Variants in SLC6A18 observed in about 807,000 individuals in gnomAD.
SLC6A18 encodes the protein inactive sodium-dependent neutral amino acid transporter B(0)AT3.
Under a neutral mutation model 62.9 loss-of-function variants are expected in SLC6A18, and 58 were observed. That is an observed-to-expected ratio of 0.92 (90% CI 0.75 to 1.15). The LOEUF is 1.15. Among genes scored for constraint, SLC6A18 ranks in the 50% most tolerant of loss-of-function variants. SLC6A18 has a pLI of 0.00. For missense variants in SLC6A18, 793 were observed against 836.6 expected, an observed-to-expected ratio of 0.95 and a Z score of 0.64; for synonymous variants, 382 against 365.8, an observed-to-expected ratio of 1.04 and a Z score of -0.51.
At chr5:1,240,225 T>C (rs894768019) in intron 6 of SLC6A18, among the ~76,000 whole-genome samples, 1 of 152,256 alleles carries the variant, frequency 6.6e-6, no homozygotes, top group African/African-American at 2.4e-5. Flanking sequence ...TTCCAAAACA[T>C]GTACATTTCA....
chr5:1,239,625 G>C, intron 6 of SLC6A18, 63 bp downstream of exon 6: 1 of 1,241,734 alleles, frequency 8.1e-7, no homozygotes, highest in Non-Finnish European at 1.2e-6. Flanking sequence ...AGCACTTCCT[G>C]ATCTCAGGAT....
Position 1,241,009 on chromosome 5 carries a change from C to T in SLC6A18, c.974+350C>T, listed in dbSNP as rs1747045540. On this transcript the variant is annotated intron_variant, in intron 7 of 11. Transcript: ENST00000324642. This position sits in a 1 kb window ranked among gnomAD's most constrained non-coding sequence, Gnocchi z 7.8. The stretch of plus-strand genomic sequence containing the variant: ...CGCTTGTGGCCACAGCCCAGGGATG[C>T]CTGAAGGTGCAGAAGCTGGAAGAGG... 6.6e-6 allele frequency among the ~76,000 whole-genome samples: 1 copy of T among 152,130 alleles called. No individual in the cohort carries two copies. The highest frequency in any genetic ancestry group is 2.4e-5 in the African/African-American group (1 of 41,414).
chr5:1,244,768 G>C lies in SLC6A18; in HGVS notation c.1656+1G>C, dbSNP rs778072933. ...ATACAAGGCCTGGAACCCCAAATAC[G>C]TAGGTCCTTCCGGTGGGAACCTGGG... On this transcript the variant is annotated splice_donor_variant, in intron 11 of 11. Transcript: ENST00000324642. LOFTEE classifies it high-confidence loss of function. 1.4e-5 allele frequency: 23 copies of C among 1,597,870 alleles called. No homozygotes were observed. The South Asian group carries it at 2.2e-4, about 15-fold the overall frequency.
At chr5:1,232,431 G>A (rs1473193700) in intron 2 of SLC6A18, 72 bp downstream of exon 2, 27 of 1,540,438 alleles carry the variant, frequency 1.8e-5, no homozygotes, top group South Asian at 2.4e-5. Context: ...GAGGTGGGGC[G>A]GGGGCGGGTC....
chr5:1,241,748 C>T lies in SLC6A18; in HGVS notation c.975-959C>T, dbSNP rs1041523844. Among the ~76,000 whole-genome samples, 2 of 152,222 alleles carry T rather than the reference C, an allele frequency of 1.3e-5. No individual in the cohort carries two copies. The highest frequency in any genetic ancestry group is 2.9e-5 in the Non-Finnish European group (2 of 68,048). On this transcript the variant is annotated intron_variant, in intron 7 of 11. Coordinates refer to ENST00000324642, the MANE Select transcript of SLC6A18 (RefSeq NM_182632.3). This position sits in a 1 kb window ranked among gnomAD's most constrained non-coding sequence, Gnocchi z 7.8. ...CAGCCCCAGCCGGGGACGTGCATGG[C>T]GGGCAACTCTGATTTCTGCTCACTC...
rs372855924 is a variant in SLC6A18 at position 1,244,625 on chromosome 5, C to A, written c.1514C>A (p.Ala505Glu). 7 of 1,602,558 alleles carry A rather than the reference C, an allele frequency of 4.4e-6. 1 individual carries two copies. In the South Asian group the frequency reaches 7.8e-5, roughly 18 times the overall value. Residue 505 changes from alanine (A) to glutamate (E), a missense_variant, in exon 11 of 12, where the codon GCG becomes GAG. By Grantham distance (107) the Ala-to-Glu change is moderately radical (BLOSUM62 -1). Coordinates refer to ENST00000324642, the MANE Select transcript of SLC6A18 (RefSeq NM_182632.3). The stretch of plus-strand genomic sequence containing the variant: ...TGGTGCAGGTTCTGCGATGACATTG[C>A]GTGGATGACCGGGAGGCGGCCCAGC... Reference protein sequence around the residue: ...YGMKRFCDDIAWMTGRRPSPY... With the variant: ...YGMKRFCDDIEWMTGRRPSPY...
chr5:1,232,724 G>A (rs761814231), intron 2 of SLC6A18, 27 bp from the exon 3 acceptor site: 21 of 1,581,646 alleles, frequency 1.3e-5, no homozygotes, highest in Admixed American at 5.4e-5. Flanking sequence ...GAGCCCCGGG[G>A]CCACCTGACA....
intron 9 of SLC6A18, 149 bp from the exon 10 acceptor site, chr5:1,244,065 G>A (rs1747143094): frequency 4.5e-6 from 3 of 671,092 alleles, no homozygotes; most frequent in Non-Finnish European, 5.0e-6. Flanking sequence ...AGGGATGGAG[G>A]GTGGGAAGCC....
intron 3 of SLC6A18, 149 bp from the exon 4 acceptor site, chr5:1,235,332 A>G (rs1042350283): frequency 1.4e-6 from 1 of 694,798 alleles, no homozygotes; most frequent in Non-Finnish European, 2.4e-6. Context: ...CTGTTTCTCC[A>G]TCTCAGCCCT....
At position 1,232,359 on chromosome 5, in the gene SLC6A18, G is replaced by A; in HGVS notation, c.301G>A (p.Gly101Arg). The A allele has an allele frequency of 1.9e-6, 3 of 1,609,450 alleles. No homozygotes were observed. Among genetic ancestry groups the A allele is most frequent in the South Asian group, 2.2e-5 (2 of 90,060 alleles). ...CATCTCCCCGTACCTCAGTGGAGTA[G>A]GTAGGCCACCGTCCTCGCTTGCCCT... ...TAISPYLSGVGLGCVTLSFLI... is the reference protein window; with the variant it reads ...TAISPYLSGVRLGCVTLSFLI... Residue 101 changes from glycine to arginine, a missense_variant and splice_region_variant, in exon 2 of 12, where the codon GGG (glycine) becomes AGG (arginine). By Grantham distance (125) the Gly-to-Arg change is moderately radical. Coordinates refer to ENST00000324642, the MANE Select transcript of SLC6A18 (RefSeq NM_182632.3).
rs367900698 is a variant in SLC6A18 at position 1,243,599 on chromosome 5, C to T, written c.1176C>T (p.Thr392=). ...PGLAFVVFTE[T]DLHMPGAPVW... is the part of the protein sequence containing the mutation. The stretch of plus-strand genomic sequence containing the variant: ...TGGCCTTCGTCGTCTTCACGGAGAC[C>T]GACCTCCACATGCCGGGGGCTCCTG... Residue 392 remains threonine, a synonymous_variant, in exon 9 of 12, where the codon ACC becomes ACT. Coordinates refer to ENST00000324642, the MANE Select transcript of SLC6A18 (RefSeq NM_182632.3). This position sits in a 1 kb window ranked among gnomAD's most constrained non-coding sequence, Gnocchi z 6.5. 1.4e-5 allele frequency: 22 copies of T among 1,613,872 alleles called. No individual in the cohort carries two copies. Among genetic ancestry groups the T allele is most frequent in the African/African-American group, 5.3e-5 (4 of 74,922 alleles).
rs746446808 is a variant in SLC6A18, at chr5:1,244,389, G to A, written c.1496+16G>A. 136 of 1,611,506 alleles carry A rather than the reference G, an allele frequency of 8.4e-5. 2 individuals carry two copies. The South Asian group carries it at 1.4e-3, about 16-fold the overall frequency. On this transcript the variant is annotated intron_variant, in intron 10 of 11. Transcript: ENST00000324642. ...GAATGAAACGGTGAGCTGCCGCCCC[G>A]CCGAGTGCTCCTCTGGGACCCACCA...
chr5:1,239,233 G>C (rs141252649), intron 5 of SLC6A18, among the ~76,000 whole-genome samples: 39 of 152,308 alleles, frequency 2.6e-4, no homozygotes, highest in African/African-American at 9.1e-4. Flanking sequence ...CGGCTCATTC[G>C]GCCACATCCC....
chr5:1,234,729 G>A (rs144482751), intron 3 of SLC6A18, among the ~76,000 whole-genome samples: 2,919 of 152,356 alleles, frequency 0.019, 52 homozygotes, highest in Middle Eastern at 0.027. Context: ...GGGGCAGGCA[G>A]TGCCCACTCA....
chr5:1,232,883 G>A lies in SLC6A18; in HGVS notation c.434G>A (p.Arg145Lys), dbSNP rs1746769975. ...AGCTCCTGCCCACCGGACCTCAACA[G>A]AACAGGTGAGCTGGGCGCCGCCTGC... ...PWSSCPPDLNRTGFVEECQGS... is the reference protein window; with the variant it reads ...PWSSCPPDLNKTGFVEECQGS... Residue 145 changes from arginine (R) to lysine (K), a missense_variant, in exon 3 of 12, where the codon AGA becomes AAA. Arg to Lys is a conservative substitution (Grantham distance 26). Transcript: ENST00000324642. The A allele has an allele frequency of 1.9e-6, 3 of 1,610,052 alleles. No homozygotes were observed. The highest frequency in any genetic ancestry group is 2.5e-6 in the Non-Finnish European group (3 of 1,178,132).
intron 1 of SLC6A18, among the ~76,000 whole-genome samples, chr5:1,228,905 T>C (rs1397031320): frequency 6.6e-6 from 1 of 152,188 alleles, no homozygotes; most frequent in Non-Finnish European, 1.5e-5. Context: ...TGTGTAGACA[T>C]TCTTACCATG....
chr5:1,228,990 G>A (rs182634812), intron 1 of SLC6A18, among the ~76,000 whole-genome samples: 95 of 152,364 alleles, frequency 6.2e-4, no homozygotes, highest in African/African-American at 2.2e-3. Flanking sequence ...CGCATTCAAC[G>A]TAAAGACTGC....
intron 1 of SLC6A18, among the ~76,000 whole-genome samples, chr5:1,228,015 T>A (rs1038981291): frequency 2.6e-5 from 4 of 152,226 alleles, no homozygotes; most frequent in African/African-American, 9.6e-5. Flanking sequence ...GACTTCTGTA[T>A]CTGGTAGGTG....
Position 1,242,399 on chromosome 5 carries a change from G to T in SLC6A18, c.975-308G>T, listed in dbSNP as rs1270752836. Among the ~76,000 whole-genome samples the T allele has an allele frequency of 1.1e-4, 15 of 133,766 alleles. 1 individual carries two copies. Among genetic ancestry groups the T allele is most frequent in the African/African-American group, 4.0e-4 (14 of 35,284 alleles). 87.8% of individuals were successfully genotyped at this position (133,766 alleles called of 152,430 possible). A position where few individuals can be genotyped will look rare whatever the true frequency, so the allele number is the denominator to read the frequency against. ...CAACAGGGGCAGGAGGCGTCCACAC[G>T]ATCCCAACAGGGGCAGGAGGCGTCC... is the stretch of plus-strand genomic sequence containing the variant. On this transcript the variant is annotated intron_variant, in intron 7 of 11. Coordinates refer to ENST00000324642, the MANE Select transcript of SLC6A18 (RefSeq NM_182632.3).
Sources: allele counts gnomAD v4.1 joint callset (sites outside exome capture counted in the v4.1 genomes callset), GRCh38; gene constraint gnomAD v4.1.1; non-coding constraint Gnocchi (gnomAD v3.1); transcripts MANE v1.5; gene names NCBI Gene and HGNC (gene_info 2026-07-23, HGNC 2026-07-21).